CTNNA1: variants seen among roughly 807,000 people sequenced by gnomAD.
CTNNA1 encodes catenin alpha-1.
A neutral mutation model predicts 98.4 loss-of-function variants in CTNNA1; 37 were observed. The ratio of observed to expected loss-of-function variants is 0.38; its 90% CI spans 0.29 to 0.49. CTNNA1 has a LOEUF of 0.49. CTNNA1 is among the 20% of genes least tolerant of loss of function. The pLI is 0.95. For synonymous variants in CTNNA1, 404 were observed against 413.2 expected (o/e 0.98, Z 0.27); for missense variants, 761 against 1,147.2 (o/e 0.66, Z 4.86).
intron 9 of CTNNA1, among the ~76,000 whole-genome samples, chr5:138,892,482 G>A (rs1755668281): frequency 6.6e-6 from 1 of 151,236 alleles, no homozygotes; most frequent in African/African-American, 2.4e-5. Context: ...AGGATTACAG[G>A]TGCCTGCTGT....
intron 17 of CTNNA1, among the ~76,000 whole-genome samples, chr5:138,933,250 G>T (rs540161052): frequency 2.6e-5 from 4 of 152,140 alleles, no homozygotes; most frequent in Admixed American, 2.6e-4. Context: ...GAGTGCTTGG[G>T]TAGCGTCTCT....
intron 11 of CTNNA1, among the ~76,000 whole-genome samples, chr5:138,920,892 A>G (rs1762788021): frequency 6.6e-6 from 1 of 152,186 alleles, no homozygotes; most frequent in Non-Finnish European, 1.5e-5. Context: ...AGTAATGGTC[A>G]TCTTGTGTAT....
At chr5:138,822,660 A>G (rs1379541713) in intron 5 of CTNNA1, among the ~76,000 whole-genome samples, 2 of 152,198 alleles carry the variant, frequency 1.3e-5, no homozygotes, top group South Asian at 4.1e-4. Context: ...TCTTTAAATG[A>G]TAACTGATTC....
At chr5:138,843,224 A>G (rs1561584099) in intron 7 of CTNNA1, among the ~76,000 whole-genome samples, 1 of 152,244 alleles carries the variant, frequency 6.6e-6, no homozygotes, top group African/African-American at 2.4e-5. Context: ...AAGAAAGCAG[A>G]AAGTTGATGA....
rs1219993763 is a variant in CTNNA1 at position 138,810,193 on chromosome 5, C to G, written c.457C>G (p.Gln153Glu). The G allele has an allele frequency of 1.2e-6, 2 of 1,613,946 alleles. No homozygotes were observed. The highest frequency in any genetic ancestry group is 1.7e-6 in the Non-Finnish European group (2 of 1,179,848). The stretch of plus-strand genomic sequence containing the variant: ...GGCAGATGTCTACAAATTACTTGTT[C>G]AGCTGAAAGTTGTAAGTATACAGGC... ...DMADVYKLLVQLKVVEDGILK... is the reference protein window; with the variant it reads ...DMADVYKLLVELKVVEDGILK... Residue 153 changes from glutamine to glutamate, a missense_variant, in exon 4 of 18, where the codon CAG becomes GAG. By Grantham distance (29) the Gln-to-Glu change is conservative (BLOSUM62 2). Transcript: ENST00000302763.
chr5:138,844,289 C>T (rs986445163), intron 7 of CTNNA1, among the ~76,000 whole-genome samples: 1 of 152,160 alleles, frequency 6.6e-6, no homozygotes, highest in African/African-American at 2.4e-5. Context: ...AGCCACCGCA[C>T]CTGGCCCCAG....
intron 10 of CTNNA1, among the ~76,000 whole-genome samples, chr5:138,910,683 G>A (rs557493057): frequency 6.6e-6 from 1 of 152,214 alleles, no homozygotes; most frequent in South Asian, 2.1e-4. Context: ...TGGGCAGGAA[G>A]GACTCACTGA....
At chr5:138,767,808 T>A (rs1753103119) in intron 1 of CTNNA1, among the ~76,000 whole-genome samples, 1 of 152,188 alleles carries the variant, frequency 6.6e-6, no homozygotes, top group African/African-American at 2.4e-5. Flanking sequence ...TTCTGAAGAA[T>A]AACATAACAG....
chr5:138,780,731 G>A (rs939528349), intron 1 of CTNNA1, among the ~76,000 whole-genome samples: 6 of 151,216 alleles, frequency 4.0e-5, no homozygotes, highest in Non-Finnish European at 8.8e-5. Flanking sequence ...GGTCAGGCTG[G>A]TGTCGAACTC....
chr5:138,762,874 GTTT>G (rs573049107), intron 1 of CTNNA1, among the ~76,000 whole-genome samples: 82 of 150,944 alleles, frequency 5.4e-4, no homozygotes, highest in African/African-American at 1.9e-3. Context: ...TCTCTAAGAG[GTTT>G]TTTTTTCTTT....
At chr5:138,800,015 G>A (rs1421735224) in intron 3 of CTNNA1, among the ~76,000 whole-genome samples, 1 of 152,072 alleles carries the variant, frequency 6.6e-6, no homozygotes, top group Non-Finnish European at 1.5e-5. Flanking sequence ...TCGTGTCTCA[G>A]CCTCTCCAGT....
chr5:138,877,648 C>G (rs1367650982), intron 7 of CTNNA1, among the ~76,000 whole-genome samples: 1 of 152,028 alleles, frequency 6.6e-6, no homozygotes, highest in East Asian at 1.9e-4. Flanking sequence ...GGGGTTTCAC[C>G]TTGTTAGCCA....
chr5:138,876,850 A>T (rs544626915), intron 7 of CTNNA1, among the ~76,000 whole-genome samples: 1 of 152,190 alleles, frequency 6.6e-6, no homozygotes, highest in Non-Finnish European at 1.5e-5. Flanking sequence ...GCAGCAGTGC[A>T]GGTGTGTGGT....
At chr5:138,891,825 A>G (rs1489921542) in intron 9 of CTNNA1, among the ~76,000 whole-genome samples, 1 of 152,148 alleles carries the variant, frequency 6.6e-6, no homozygotes, top group African/African-American at 2.4e-5. Flanking sequence ...TGAAAGGAAA[A>G]TAAATCTTGG....
intron 5 of CTNNA1, among the ~76,000 whole-genome samples, chr5:138,819,083 G>T (rs1759745870): frequency 6.6e-6 from 1 of 152,152 alleles, no homozygotes; most frequent in Non-Finnish European, 1.5e-5. Context: ...GGAAGAAGGG[G>T]TGCTCTGGAG....
At chr5:138,811,229 C>T (rs1383294653) in intron 4 of CTNNA1, among the ~76,000 whole-genome samples, 14 of 137,786 alleles carry the variant, frequency 1.0e-4, no homozygotes, top group South Asian at 4.9e-4. Flanking sequence ...CGCTCCTCAC[C>T]TCCCAGATGG....
intron 5 of CTNNA1, among the ~76,000 whole-genome samples, chr5:138,819,513 G>A (rs1759799037): frequency 6.6e-6 from 1 of 152,140 alleles, no homozygotes; most frequent in African/African-American, 2.4e-5. Flanking sequence ...ATGCTCAGCT[G>A]GTTTAGGGCA....
intron 7 of CTNNA1, among the ~76,000 whole-genome samples, chr5:138,840,117 G>GGA (rs1347095438): frequency 2.6e-5 from 4 of 152,268 alleles, no homozygotes; most frequent in Admixed American, 2.6e-4. Context: ...GTGAAGATGG[G>GGA]GATATAATGG....
intron 3 of CTNNA1, among the ~76,000 whole-genome samples, chr5:138,798,266 G>T (rs1248903788): frequency 6.6e-6 from 1 of 152,204 alleles, no homozygotes; most frequent in East Asian, 1.9e-4. Context: ...TATGGGAGAT[G>T]TGTACTCATT....
Sources: gnomAD v4.1 joint callset for allele counts (sites outside exome capture counted in the v4.1 genomes callset) on GRCh38, gnomAD v4.1.1 for gene constraint, MANE v1.5 for transcripts, NCBI Gene and HGNC (gene_info 2026-07-23, HGNC 2026-07-21) for gene names.